DMXL2: variants seen among roughly 807,000 people sequenced by gnomAD.
The protein encoded by DMXL2 is Dmx like 2, also known as dmX-like protein 2.
A neutral mutation model predicts 331.1 loss-of-function variants in DMXL2; 103 were observed. The observed-to-expected ratio is 0.31, with a 90% confidence interval of 0.27 to 0.37. The LOEUF (loss-of-function observed/expected upper bound fraction) is 0.37. Ranked by LOEUF, DMXL2 falls within the 10% of genes least tolerant of loss-of-function variation. The pLI is 1.00. For missense variants in DMXL2, 3,171 were observed against 3,642.9 expected, an observed-to-expected ratio of 0.87 and a Z score of 3.33; for synonymous variants, 1,281 against 1,252.1, an observed-to-expected ratio of 1.02 and a Z score of -0.49.
At chr15:51,455,111 G>A (rs2141204471) in intron 40 of DMXL2, 40 bp downstream of exon 40, 1 of 1,459,784 alleles carries the variant, frequency 6.9e-7, no homozygotes, top group South Asian at 1.1e-5. Context: ...TGAACAAAGT[G>A]TTGTGTATAT....
At chr15:51,491,442 CAA>C in intron 20 of DMXL2, 134 bp downstream of exon 20, 1,354 of 662,462 alleles carry the variant, frequency 2.0e-3, no homozygotes, top group Admixed American at 2.4e-3. Context: ...ATTCCATCTC[CAA>C]AAAAAAAAAA....
chr15:51,594,709 A>C (rs1203937561), intron 1 of DMXL2, among the ~76,000 whole-genome samples: 5 of 152,224 alleles, frequency 3.3e-5, no homozygotes, highest in Non-Finnish European at 7.3e-5. Flanking sequence ...CAAGAAGCTT[A>C]TCCACCATGA....
chr15:51,499,752 C>T lies in DMXL2; in HGVS notation c.3472G>A (p.Asp1158Asn). 6.2e-7 allele frequency: 1 copy of T among 1,614,122 alleles called. No homozygotes were observed. The highest frequency in any genetic ancestry group is 1.1e-5 in the South Asian group (1 of 91,076). The stretch of plus-strand genomic sequence containing the variant: ...TTGATATTCGGAATAAGATATCTAT[C>T]CTTGCTCAAGAGTGCATCTGACTTG... ...YSKSDALLSK[D>N]RYLIPNIKHL... Residue 1158 changes from aspartate (D) to asparagine (N), a missense_variant, in exon 18 of 44, where the codon GAT (aspartate) becomes AAT (asparagine). By Grantham distance (23) the Asp-to-Asn change is conservative. Coordinates refer to ENST00000560891, the MANE Select transcript of DMXL2 (RefSeq NM_001378457.1).
chr15:51,455,046 A>G, intron 40 of DMXL2, 105 bp downstream of exon 40: 2 of 918,504 alleles, frequency 2.2e-6, no homozygotes, highest in Admixed American at 3.8e-5. Flanking sequence ...GAAAAAAATC[A>G]TCCTTTTCCC....
In DMXL2 at chr15:51,481,666, T is replaced by C. The variant is rs775998795; in HGVS notation, c.5483-43A>G. The C allele has an allele frequency of 1.1e-5, 16 of 1,487,512 alleles. No individual in the cohort carries two copies. In the South Asian group the frequency reaches 2.1e-4, roughly 20 times the overall value. The allele number at this position is 1,487,512 out of a possible 1,614,324, so 92.1% of individuals were successfully genotyped here. ...ATAAAATCACAAAGCATTGTGTTAA[T>C]ATGTATTTACATTACAAAACAATAA... On this transcript the variant is annotated intron_variant, in intron 23 of 43. Coordinates refer to ENST00000560891, the MANE Select transcript of DMXL2 (RefSeq NM_001378457.1).
At position 51,451,628 on chromosome 15, in the gene DMXL2, C is replaced by T; in HGVS notation, c.8749+17G>A. On this transcript the variant is annotated intron_variant, in intron 42 of 43. Transcript: ENST00000560891. ...TCCTTCATGGTATATTTTTAAAAATCATAGACCTTAACTCACCATGAATGA... is the reference window on the plus strand; with the variant it reads ...TCCTTCATGGTATATTTTTAAAAATTATAGACCTTAACTCACCATGAATGA... 1 of 1,600,340 alleles carries T rather than the reference C, an allele frequency of 6.2e-7. No individual in the cohort carries two copies. Among genetic ancestry groups the T allele is most frequent in the Non-Finnish European group, 8.5e-7 (1 of 1,170,134 alleles).
intron 17 of DMXL2, among the ~76,000 whole-genome samples, chr15:51,500,884 G>A (rs972567151): frequency 1.3e-5 from 2 of 152,192 alleles, no homozygotes; most frequent in Non-Finnish European, 1.5e-5. Flanking sequence ...TTAAAGATCT[G>A]AGGTCAGAAG....
At chr15:51,541,109 T>G (rs1444651843) in intron 9 of DMXL2, among the ~76,000 whole-genome samples, 8 of 152,150 alleles carry the variant, frequency 5.3e-5, no homozygotes, top group Non-Finnish European at 1.5e-5. Context: ...AAAACCACAT[T>G]TTGAAAACAA....
intron 13 of DMXL2, 71 bp downstream of exon 13, chr15:51,535,592 G>A (rs1049353219): frequency 1.4e-6 from 2 of 1,411,886 alleles, no homozygotes; most frequent in South Asian, 1.5e-5. Flanking sequence ...AACAAACACA[G>A]GTCCTAGACA....
chr15:51,563,142 A>G (rs1168752920), intron 6 of DMXL2, among the ~76,000 whole-genome samples: 1 of 151,226 alleles, frequency 6.6e-6, no homozygotes, highest in Non-Finnish European at 1.5e-5. Flanking sequence ...TAGTTTTTAA[A>G]AACGCAAATA....
At chr15:51,452,307 C>G (rs2039216885) in intron 41 of DMXL2, among the ~76,000 whole-genome samples, 1 of 152,122 alleles carries the variant, frequency 6.6e-6, no homozygotes, top group Admixed American at 6.6e-5. Context: ...AACTAAAACA[C>G]TTCTGCACAG....
At chr15:51,569,161 C>G (rs1014671439) in intron 2 of DMXL2, among the ~76,000 whole-genome samples, 1 of 152,208 alleles carries the variant, frequency 6.6e-6, no homozygotes, top group Non-Finnish European at 1.5e-5. Flanking sequence ...GTCCCACCCC[C>G]ACGGAGCCCA....
chr15:51,592,493 A>G (rs960565410), intron 1 of DMXL2, among the ~76,000 whole-genome samples: 30 of 152,216 alleles, frequency 2.0e-4, no homozygotes, highest in Non-Finnish European at 3.8e-4. Flanking sequence ...AAAACACTCT[A>G]CAGGATATTA....
chr15:51,591,474 C>G (rs2052329362), intron 1 of DMXL2, among the ~76,000 whole-genome samples: 1 of 152,174 alleles, frequency 6.6e-6, no homozygotes. Context: ...TCAAGGAGGC[C>G]TGCCTGCCTC....
In DMXL2 at chr15:51,466,301, G is replaced by T; in HGVS notation, c.7403C>A (p.Pro2468His). 7.3e-7 allele frequency: 1 copy of T among 1,377,868 alleles called. No individual in the cohort carries two copies. The highest frequency in any genetic ancestry group is 2.0e-5 in the South Asian group (1 of 50,636). The allele number at this position is 1,377,868 out of a possible 1,614,324, so 85.4% of individuals were successfully genotyped here. A position where few individuals can be genotyped will look rare whatever the true frequency, so the allele number is the denominator to read the frequency against. ...ATATATAACACCACTATCAGACAAA[G>T]GAAGAAATGGCTGCAATAAAAGGTA... ...WDYFVAKPFL[P>H]LSDSGVIYDS... Residue 2468 changes from proline (P) to histidine (H), a missense_variant, in exon 30 of 44, where the codon CCT (proline) becomes CAT (histidine). This residue lies in a region of DMXL2 where 766 missense variants were observed against 940.5 expected (regional missense o/e 0.81). Transcript: ENST00000560891.
At chr15:51,579,786 A>G (rs1197530661) in intron 1 of DMXL2, among the ~76,000 whole-genome samples, 2 of 152,204 alleles carry the variant, frequency 1.3e-5, no homozygotes, top group Non-Finnish European at 2.9e-5. Context: ...CAATAAATGT[A>G]GAAGATCTAC....
At chr15:51,564,081 C>T (rs1273993269) in intron 5 of DMXL2, 44 bp downstream of exon 5, 1 of 1,543,206 alleles carries the variant, frequency 6.5e-7, no homozygotes, top group Non-Finnish European at 8.7e-7. Flanking sequence ...TTAGGAAGCA[C>T]TTGCTTTTAA....
At chr15:51,569,804 A>G (rs930472867) in intron 2 of DMXL2, among the ~76,000 whole-genome samples, 20 of 152,024 alleles carry the variant, frequency 1.3e-4, no homozygotes, top group African/African-American at 4.6e-4. Flanking sequence ...CATTAAAGAA[A>G]AAAGGTAGAT....
intron 34 of DMXL2, 122 bp downstream of exon 34, chr15:51,459,476 G>C (rs2039939200): frequency 2.8e-6 from 2 of 704,730 alleles, no homozygotes; most frequent in Non-Finnish European, 2.1e-6. Context: ...GAAGTGGTAT[G>C]GGAGTACTAT....
Sources: allele counts gnomAD v4.1 joint callset (sites outside exome capture counted in the v4.1 genomes callset), GRCh38; gene constraint gnomAD v4.1.1; regional missense constraint gnomAD v4.1.1; transcripts MANE v1.5; gene names NCBI Gene and HGNC (gene_info 2026-07-23, HGNC 2026-07-21).